Variants in RIN2 observed in about 807,000 individuals in gnomAD.
The protein encoded by RIN2 is RAB5 interacting protein 2.
RIN2 carries 36 observed loss-of-function variants against 78.0 expected under a neutral mutation model. The ratio of observed to expected loss-of-function variants is 0.46; its 90% CI spans 0.35 to 0.61. The LOEUF is 0.61. Ranked by LOEUF, RIN2 falls within the 20% of genes least tolerant of loss-of-function variation. The pLI is 0.00. For synonymous variants in RIN2, 466 were observed against 466.8 expected (o/e 1.00, Z 0.02); for missense variants, 1,087 against 1,159.7 (o/e 0.94, Z 0.91).
chr20:19,803,812 A>T (rs912730838), intron 2 of RIN2, among the ~76,000 whole-genome samples: 4 of 152,118 alleles, frequency 2.6e-5, no homozygotes, highest in Admixed American at 1.3e-4. Context: ...CACAATATTG[A>T]TTCTTCCTAT....
intron 2 of RIN2, among the ~76,000 whole-genome samples, chr20:19,801,686 T>G (rs1366604106): frequency 6.6e-6 from 1 of 152,226 alleles, no homozygotes; most frequent in East Asian, 1.9e-4. Context: ...CCGGGATTGG[T>G]CTGTCTTTCC....
intron 3 of RIN2, 26 bp from the exon 4 acceptor site, chr20:19,935,073 G>C: frequency 6.4e-7 from 1 of 1,555,526 alleles, no homozygotes; most frequent in Non-Finnish European, 8.7e-7. Flanking sequence ...ACTTCCTGAC[G>C]TCATACTATT....
At chr20:19,952,189 C>G (rs144557738) in intron 4 of RIN2, among the ~76,000 whole-genome samples, 142 of 152,348 alleles carry the variant, frequency 9.3e-4, no homozygotes, top group African/African-American at 3.1e-3. Flanking sequence ...CTCCATCTCA[C>G]ATATGTAGAA....
intron 5 of RIN2, among the ~76,000 whole-genome samples, chr20:19,957,502 C>T (rs2041590757): frequency 6.6e-6 from 1 of 152,070 alleles, no homozygotes; most frequent in Non-Finnish European, 1.5e-5. Context: ...CACAGTGGCA[C>T]CCTATCTCTA....
intron 3 of RIN2, among the ~76,000 whole-genome samples, chr20:19,927,413 T>TA (rs2146082785): frequency 6.6e-6 from 1 of 150,896 alleles, no homozygotes; most frequent in Non-Finnish European, 1.5e-5. Context: ...CATGCCTGGG[T>TA]AATTTTTTTT....
At chr20:19,762,443 T>C (rs8120925) in intron 1 of RIN2, among the ~76,000 whole-genome samples, 7,573 of 152,280 alleles carry the variant, frequency 0.05, 469 homozygotes, top group African/African-American at 0.15. Flanking sequence ...TTTCTAGGTC[T>C]CCAATGCTGA....
intron 9 of RIN2, among the ~76,000 whole-genome samples, chr20:19,980,774 C>T (rs1434933425): frequency 6.6e-6 from 1 of 152,216 alleles, no homozygotes; most frequent in African/African-American, 2.4e-5. Flanking sequence ...GCCAGCACCG[C>T]ATAGACGCAG....
intron 4 of RIN2, among the ~76,000 whole-genome samples, chr20:19,941,644 G>A (rs1450744608): frequency 6.6e-6 from 1 of 152,134 alleles, no homozygotes; most frequent in East Asian, 1.9e-4. Flanking sequence ...TTCCGGCTAT[G>A]TCACTGAGGA....
chr20:19,885,934 C>T (rs2038170055), intron 2 of RIN2, among the ~76,000 whole-genome samples: 1 of 144,004 alleles, frequency 6.9e-6, no homozygotes, highest in Non-Finnish European at 1.5e-5. Context: ...TTACGTTGGA[C>T]TAAAGAAATT....
At chr20:19,842,387 C>CTTTTTTTTTTTTTTTTTT (rs139642869) in intron 2 of RIN2, among the ~76,000 whole-genome samples, 4 of 46,198 alleles carry the variant, frequency 8.7e-5, no homozygotes, top group Non-Finnish European at 1.2e-4. Flanking sequence ...CCATCCCTGG[C>CTTTTTTTTTTTTTTTTTT]TTTTTTTTTT....
intron 4 of RIN2, among the ~76,000 whole-genome samples, chr20:19,937,000 AC>A (rs745583050): frequency 3.9e-5 from 6 of 152,340 alleles, no homozygotes; most frequent in Non-Finnish European, 7.3e-5. Flanking sequence ...CGACTAACTT[AC>A]GGAATCTTCC....
intron 11 of RIN2, among the ~76,000 whole-genome samples, chr20:19,994,037 T>C (rs899193207): frequency 3.9e-5 from 6 of 152,186 alleles, no homozygotes; most frequent in African/African-American, 1.2e-4. Context: ...CTTTCCCAGA[T>C]TGGCCCAGGG....
chr20:19,963,478 A>G (rs376606174), intron 6 of RIN2, among the ~76,000 whole-genome samples: 3 of 151,850 alleles, frequency 2.0e-5, no homozygotes, highest in African/African-American at 7.3e-5. Flanking sequence ...GCTTGGTGGT[A>G]CATGCCTGTA....
Position 19,967,546 on chromosome 20 carries a change from G to A in RIN2, c.536+2522G>A, listed in dbSNP as rs527594497. On this transcript the variant is annotated intron_variant, in intron 7 of 12. Transcript: ENST00000255006. Reference sequence around the variant, plus strand: ...ATATGCATTGCACAAGAGAATTCACGAATCAATAAACATAGGATTTGCCAT... The same window carrying A: ...ATATGCATTGCACAAGAGAATTCACAAATCAATAAACATAGGATTTGCCAT... Among the ~76,000 whole-genome samples the A allele has an allele frequency of 7.8e-4, 119 of 152,324 alleles. No homozygotes were observed. In the South Asian group the frequency reaches 8.1e-3, roughly 10 times the overall value.
chr20:19,794,783 C>T (rs757859370), intron 1 of RIN2, among the ~76,000 whole-genome samples: 5 of 151,960 alleles, frequency 3.3e-5, no homozygotes, highest in African/African-American at 9.7e-5. Context: ...ATGAGAACAG[C>T]GACTCAGGAT....
Position 19,975,371 on chromosome 20 carries a change from C to A in RIN2, c.1346C>A (p.Pro449His). Residue 449 changes from proline to histidine, a missense_variant, in exon 9 of 13, where the codon CCT (proline) becomes CAT (histidine). Pro to His is a moderately conservative substitution (Grantham distance 77, BLOSUM62 -2). Transcript: ENST00000255006. The surrounding 1 kb of genome is among the most constrained non-coding windows in gnomAD (Gnocchi z 4.9). The stretch of plus-strand genomic sequence containing the variant: ...TCGCTGGAGTTCGACCGGAGCATGC[C>A]TCTGTTTGGCTACGAGGCGGACACC... ...SDSLEFDRSM[P>H]LFGYEADTNS... 6.2e-7 allele frequency: 1 copy of A among 1,613,958 alleles called. No homozygotes were observed. The highest frequency in any genetic ancestry group is 8.5e-7 in the Non-Finnish European group (1 of 1,179,854).
At chr20:19,766,614 C>A (rs1010641898) in intron 1 of RIN2, among the ~76,000 whole-genome samples, 6 of 151,966 alleles carry the variant, frequency 3.9e-5, no homozygotes, top group Non-Finnish European at 7.4e-5. Flanking sequence ...CAGGCAGGAG[C>A]GGCAAGTACA....
chr20:19,825,782 C>T (rs1469783466), intron 2 of RIN2, among the ~76,000 whole-genome samples: 1 of 152,194 alleles, frequency 6.6e-6, no homozygotes, highest in Non-Finnish European at 1.5e-5. Flanking sequence ...CCTCAGTGCA[C>T]CCTCAAGCGA....
chr20:19,859,544 G>A (rs2037269663), intron 2 of RIN2, among the ~76,000 whole-genome samples: 1 of 152,118 alleles, frequency 6.6e-6, no homozygotes, highest in African/African-American at 2.4e-5. Context: ...TTGAAGCACT[G>A]GCACCATTAA....
Sources: gnomAD v4.1 joint callset for allele counts (sites outside exome capture counted in the v4.1 genomes callset) on GRCh38, gnomAD v4.1.1 for gene constraint, Gnocchi (gnomAD v3.1) non-coding constraint, MANE v1.5 for transcripts, NCBI Gene and HGNC (gene_info 2026-07-23, HGNC 2026-07-21) for gene names.